LRRC4C: variants seen among roughly 807,000 people sequenced by gnomAD.
The protein encoded by LRRC4C is leucine-rich repeat-containing protein 4C.
LRRC4C carries 5 observed loss-of-function variants against 33.6 expected under a neutral mutation model. That is an observed-to-expected ratio of 0.15 (90% CI 0.08 to 0.31). LRRC4C has a LOEUF of 0.31. LRRC4C is among the 10% of genes least tolerant of loss of function. The pLI is 1.00. For synonymous variants in LRRC4C, 329 were observed against 302.0 expected, an observed-to-expected ratio of 1.09 and a Z score of -0.93; for missense variants, 560 against 796.7, an observed-to-expected ratio of 0.70 and a Z score of 3.58.
intron 3 of LRRC4C, among the ~76,000 whole-genome samples, chr11:40,436,869 A>T (rs1351835505): frequency 6.6e-6 from 1 of 152,042 alleles, no homozygotes; most frequent in Non-Finnish European, 1.5e-5. Flanking sequence ...CTGGTTGCTT[A>T]CTGATCGAAA....
chr11:40,278,340 G>C (rs949654884), intron 4 of LRRC4C, among the ~76,000 whole-genome samples: 3 of 152,126 alleles, frequency 2.0e-5, no homozygotes. Flanking sequence ...TAAGACCTTT[G>C]CAACAACAGT....
chr11:41,263,429 G>T (rs1195310508), intron 1 of LRRC4C, among the ~76,000 whole-genome samples: 1 of 152,110 alleles, frequency 6.6e-6, no homozygotes, highest in Non-Finnish European at 1.5e-5. Flanking sequence ...CAGTGCCACA[G>T]ATTCTGTAAA....
At chr11:41,128,908 A>G (rs1942880963) in intron 1 of LRRC4C, among the ~76,000 whole-genome samples, 1 of 152,002 alleles carries the variant, frequency 6.6e-6, no homozygotes, top group Non-Finnish European at 1.5e-5. Context: ...TGATTACCAC[A>G]CTTGTTTAAC....
At chr11:41,057,960 G>C (rs1212605375) in intron 1 of LRRC4C, among the ~76,000 whole-genome samples, 1 of 152,178 alleles carries the variant, frequency 6.6e-6, no homozygotes, top group Admixed American at 6.5e-5. Flanking sequence ...TTTCCTCTGA[G>C]CTGTTCTATC....
chr11:40,922,986 A>C (rs1446030617), intron 2 of LRRC4C, among the ~76,000 whole-genome samples: 4 of 152,096 alleles, frequency 2.6e-5, no homozygotes, highest in Non-Finnish European at 1.5e-5. Flanking sequence ...CACCACACCC[A>C]GCTAATTTTT....
intron 2 of LRRC4C, among the ~76,000 whole-genome samples, chr11:40,885,475 T>C (rs1424814864): frequency 1.3e-5 from 2 of 152,058 alleles, no homozygotes; most frequent in Non-Finnish European, 2.9e-5. Flanking sequence ...GTGGCTTATG[T>C]TGAGACATGT....
chr11:40,545,469 G>A (rs576695851), intron 3 of LRRC4C, among the ~76,000 whole-genome samples: 10 of 152,036 alleles, frequency 6.6e-5, no homozygotes, highest in South Asian at 2.1e-4. Context: ...AAACCTAAAA[G>A]TAAGGGGATT....
At chr11:41,437,880 A>C (rs1955485265) in intron 1 of LRRC4C, among the ~76,000 whole-genome samples, 1 of 152,046 alleles carries the variant, frequency 6.6e-6, no homozygotes, top group Non-Finnish European at 1.5e-5. Context: ...TCTACTAAAA[A>C]TACAAAAATT....
At chr11:40,752,031 G>A (rs1948713814) in intron 2 of LRRC4C, among the ~76,000 whole-genome samples, 1 of 152,086 alleles carries the variant, frequency 6.6e-6, no homozygotes, top group Non-Finnish European at 1.5e-5. Flanking sequence ...ATGGTGATGG[G>A]AAAATTGGAT....
chr11:41,340,836 T>A (rs1261255221), intron 1 of LRRC4C, among the ~76,000 whole-genome samples: 1 of 152,218 alleles, frequency 6.6e-6, no homozygotes, highest in Non-Finnish European at 1.5e-5. Context: ...TAGCCAATAT[T>A]ATTAGATAGA....
intron 5 of LRRC4C, among the ~76,000 whole-genome samples, chr11:40,174,641 G>A (rs1299667641): frequency 1.3e-5 from 2 of 152,046 alleles, no homozygotes; most frequent in African/African-American, 2.4e-5. Context: ...ATGTTTGTTT[G>A]GTTTTTTAAC....
Position 41,366,768 on chromosome 11 carries a change from G to A in LRRC4C, c.-496+92663C>T, listed in dbSNP as rs150179205. On this transcript the variant is annotated intron_variant, in intron 1 of 6. Transcript: ENST00000528697. ...AGATTAGGGACAGATATACACAGAGGGAAGACCATGTGAAAACTGGAGGAA... is the reference window on the plus strand; with the variant it reads ...AGATTAGGGACAGATATACACAGAGAGAAGACCATGTGAAAACTGGAGGAA... 3.9e-4 allele frequency among the ~76,000 whole-genome samples: 59 copies of A among 152,136 alleles called. No homozygotes were observed. In the East Asian group the frequency reaches 9.7e-3, roughly 25 times the overall value.
chr11:41,247,340 T>A (rs1183872736), intron 1 of LRRC4C, among the ~76,000 whole-genome samples: 1 of 152,204 alleles, frequency 6.6e-6, no homozygotes, highest in Non-Finnish European at 1.5e-5. Context: ...ACCACCAAAG[T>A]GTTTTCAAAA....
intron 2 of LRRC4C, among the ~76,000 whole-genome samples, chr11:40,775,808 C>T (rs955949303): frequency 2.0e-5 from 3 of 152,152 alleles, no homozygotes; most frequent in Admixed American, 6.5e-5. Flanking sequence ...ACTTCCAGCA[C>T]CCTGTTGAAC....
chr11:40,175,060 C>T (rs1860361067), intron 5 of LRRC4C, among the ~76,000 whole-genome samples: 1 of 152,194 alleles, frequency 6.6e-6, no homozygotes, highest in African/African-American at 2.4e-5. Flanking sequence ...ATGAATACAT[C>T]TAGCTCTACC....
intron 3 of LRRC4C, among the ~76,000 whole-genome samples, chr11:40,431,133 A>C (rs1054657748): frequency 1.4e-5 from 2 of 147,876 alleles, no homozygotes. Context: ...AGCACATTGT[A>C]CTTTAAAAAA....
At position 41,209,991 on chromosome 11, in the gene LRRC4C, A is replaced by C. The variant is rs146225735; in HGVS notation, c.-496+249440T>G. ...ATATTCTCTCTCTCTCTGCATGCAC[A>C]TAGAGGAAACGCCACGTGAGGATTC... is the stretch of plus-strand genomic sequence containing the variant. On this transcript the variant is annotated intron_variant, in intron 1 of 6. Coordinates refer to ENST00000528697, the MANE Select transcript of LRRC4C (RefSeq NM_001258419.2). Among the ~76,000 whole-genome samples the C allele has an allele frequency of 2.9e-4, 44 of 152,290 alleles. No homozygotes were observed. The East Asian group carries it at 8.3e-3, about 29-fold the overall frequency.
At chr11:40,796,538 G>C (rs974848063) in intron 2 of LRRC4C, among the ~76,000 whole-genome samples, 1 of 151,476 alleles carries the variant, frequency 6.6e-6, no homozygotes, top group African/African-American at 2.4e-5. Flanking sequence ...CTAGTGCAAA[G>C]GACCAGGGTG....
At chr11:40,536,349 A>T (rs1405502158) in intron 3 of LRRC4C, among the ~76,000 whole-genome samples, 1 of 152,106 alleles carries the variant, frequency 6.6e-6, no homozygotes, top group Admixed American at 6.5e-5. Flanking sequence ...GCACACCACC[A>T]TGCCTAGCTA....
Sources: allele counts gnomAD v4.1 joint callset (sites outside exome capture counted in the v4.1 genomes callset), GRCh38; gene constraint gnomAD v4.1.1; transcripts MANE v1.5; gene names NCBI Gene and HGNC (gene_info 2026-07-23, HGNC 2026-07-21).